HMGA1: variants seen among roughly 807,000 people sequenced by gnomAD.
The protein encoded by HMGA1 is high mobility group AT-hook 1, also known as high mobility group protein HMG-I/HMG-Y.
HMGA1 carries 1 observed loss-of-function variant against 15.1 expected under a neutral mutation model. The observed-to-expected ratio is 0.07, with a 90% CI of 0.02 to 0.31. The LOEUF is 0.31. Ranked by LOEUF, HMGA1 falls within the 10% of genes least tolerant of loss-of-function variation. The pLI, the probability that HMGA1 is intolerant of heterozygous loss-of-function variation, is 1.00. For missense variants in HMGA1, 94 were observed against 141.4 expected (o/e 0.66, Z 1.70); for synonymous variants, 56 against 54.8 (o/e 1.02, Z -0.10).
At chr6:34,244,320 A>T (rs1762542967) in intron 5 of HMGA1, among the ~76,000 whole-genome samples, 1 of 151,900 alleles carries the variant, frequency 6.6e-6, no homozygotes, top group Admixed American at 6.5e-5. Context: ...GGCGGCACAC[A>T]CTTCCCCTTC....
intron 5 of HMGA1, 98 bp downstream of exon 5, chr6:34,243,616 G>T: frequency 9.9e-7 from 1 of 1,012,790 alleles, no homozygotes; most frequent in Non-Finnish European, 1.5e-6. Flanking sequence ...CTATGGAAAG[G>T]CTCTCCTTGA....
Position 34,243,464 on chromosome 6 carries a change from C to T in HMGA1, c.220-4C>T. 6.2e-7 allele frequency: 1 copy of T among 1,612,516 alleles called. No individual in the cohort carries two copies. Among genetic ancestry groups the T allele is most frequent in the Non-Finnish European group, 8.5e-7 (1 of 1,178,768 alleles). On this transcript the variant is annotated splice_polypyrimidine_tract_variant and splice_region_variant and intron_variant, in intron 4 of 5. Transcript: ENST00000311487. ...CTTAGGAGATATTTTCTCTAACCCT[C>T]TAGAAAACCACCACAACTCCAGGAA...
intron 4 of HMGA1, 137 bp downstream of exon 4, chr6:34,242,932 G>A: frequency 1.4e-6 from 1 of 714,788 alleles, no homozygotes; most frequent in Non-Finnish European, 2.5e-6. Context: ...CTGGTACAGG[G>A]ATGGCAGTGA....
chr6:34,237,527 A>G (rs1761876593), intron 2 of HMGA1, among the ~76,000 whole-genome samples: 1 of 140,318 alleles, frequency 7.1e-6, no homozygotes, highest in South Asian at 2.2e-4. Context: ...GGACGCCCGC[A>G]CCCCTTCCCC....
At chr6:34,241,595 G>A (rs1762314703) in intron 3 of HMGA1, among the ~76,000 whole-genome samples, 1 of 152,210 alleles carries the variant, frequency 6.6e-6, no homozygotes, top group African/African-American at 2.4e-5. Flanking sequence ...CTCATAGAAG[G>A]ATGAGGCTGC....
In HMGA1 at chr6:34,245,796, C is replaced by T; in HGVS notation, c.*912C>T. The T allele has an allele frequency of 4.9e-6, 2 of 411,266 alleles. No individual in the cohort carries two copies. Among genetic ancestry groups the T allele is most frequent in the East Asian group, 4.9e-5 (1 of 20,496 alleles). 25.5% of individuals were successfully genotyped at this position (411,266 alleles called of 1,614,324 possible). On this transcript the variant is annotated 3_prime_UTR_variant, in exon 6 of 6. Transcript: ENST00000311487. ...GCCCGCTCCCAACCCCCCTCCTGCT[C>T]CTCCCTGCCCCCCAAGGTTCTGGTT... is the stretch of plus-strand genomic sequence containing the variant.
chr6:34,244,009 A>G (rs950470204), intron 5 of HMGA1, among the ~76,000 whole-genome samples: 1 of 151,968 alleles, frequency 6.6e-6, no homozygotes, highest in Non-Finnish European at 1.5e-5. Context: ...CTGGGTCCCC[A>G]AACAGCTGGT....
chr6:34,242,694 C>T lies in HMGA1; in HGVS notation c.136-18C>T. On this transcript the variant is annotated intron_variant, in intron 3 of 5. Transcript: ENST00000311487. ...AACAGGTGATGACTGTCCCTGACTA[C>T]CCCCTCTGTCTTTACAGAAGGAGCC... 3 of 1,528,998 alleles carry T rather than the reference C, an allele frequency of 2.0e-6. No homozygotes were observed. The highest frequency in any genetic ancestry group is 2.6e-6 in the Non-Finnish European group (3 of 1,132,206). 94.7% of individuals were successfully genotyped at this position (1,528,998 alleles called of 1,614,324 possible). A position where few individuals can be genotyped will look rare whatever the true frequency, so the allele number is the denominator to read the frequency against.
intron 4 of HMGA1, 29 bp from the exon 5 acceptor site, chr6:34,243,439 C>T (rs778740837): frequency 6.3e-7 from 1 of 1,587,206 alleles, no homozygotes; most frequent in African/African-American, 1.3e-5. Flanking sequence ...GCATTTTGGA[C>T]TTAGGAGATA....
chr6:34,238,247 G>C (rs1052219142), intron 2 of HMGA1, among the ~76,000 whole-genome samples: 1 of 151,992 alleles, frequency 6.6e-6, no homozygotes, highest in African/African-American at 2.4e-5. Context: ...GGAGCGGCCT[G>C]CGCCCCTCCC....
At chr6:34,243,869 T>C (rs866549746) in intron 5 of HMGA1, among the ~76,000 whole-genome samples, 5 of 152,034 alleles carry the variant, frequency 3.3e-5, no homozygotes, top group African/African-American at 1.2e-4. Context: ...AAGGAAGCCA[T>C]AGGGGGAAGG....
chr6:34,244,638 GT>G (rs1468195386), intron 5 of HMGA1, among the ~76,000 whole-genome samples, 192 bp from the exon 6 acceptor site: 1 of 152,120 alleles, frequency 6.6e-6, no homozygotes, highest in South Asian at 2.1e-4. Flanking sequence ...TGTGTGTGGG[GT>G]TTTTTCCTCC....
At chr6:34,243,854 G>A (rs1209350640) in intron 5 of HMGA1, among the ~76,000 whole-genome samples, 1 of 152,128 alleles carries the variant, frequency 6.6e-6, no homozygotes, top group African/African-American at 2.4e-5. Flanking sequence ...AATTAGAGAT[G>A]AGGAAAGGAA....
At position 34,238,500 on chromosome 6, in the gene HMGA1, C is replaced by T. The variant is rs544209219; in HGVS notation, c.-45+1183C>T. 2.3e-4 allele frequency among the ~76,000 whole-genome samples: 35 copies of T among 152,224 alleles called. No homozygotes were observed. In the South Asian group the frequency reaches 5.8e-3, roughly 25 times the overall value. On this transcript the variant is annotated intron_variant, in intron 2 of 5. Coordinates refer to ENST00000311487, the MANE Select transcript of HMGA1 (RefSeq NM_145899.3). ...CTCTGGGCTACTTTTTTACGGGGGA[C>T]GGGGAAGAAAACAAGGGAACCCCCA...
Position 34,242,704 on chromosome 6 carries a change from C to A in HMGA1, c.136-8C>A. ...GACTGTCCCTGACTACCCCCTCTGT[C>A]TTTACAGAAGGAGCCCAGCGAAGTG... On this transcript the variant is annotated splice_region_variant and splice_polypyrimidine_tract_variant and intron_variant, in intron 3 of 5. Transcript: ENST00000311487. 1 of 1,566,634 alleles carries A rather than the reference C, an allele frequency of 6.4e-7. No homozygotes were observed. The highest frequency in any genetic ancestry group is 1.2e-5 in the South Asian group (1 of 85,830).
In HMGA1 at chr6:34,245,046, A is replaced by G; in HGVS notation, c.*162A>G. 1 of 1,534,366 alleles carries G rather than the reference A, an allele frequency of 6.5e-7. No homozygotes were observed. On this transcript the variant is annotated 3_prime_UTR_variant, in exon 6 of 6. Coordinates refer to ENST00000311487, the MANE Select transcript of HMGA1 (RefSeq NM_145899.3). ...ACCTGTGCCCTCACCACCACACTAC[A>G]CAGCACACCAGCCGCTGCAGGGCTC...
chr6:34,238,983 T>C (rs1290607065), intron 2 of HMGA1: 2 of 152,168 alleles, frequency 1.3e-5, no homozygotes, highest in African/African-American at 4.8e-5. Context: ...GTTGATTAAT[T>C]TTGATGTTTA....
rs1561880972 is a variant in HMGA1, at chr6:34,245,897, C to T, written c.*1013C>T. The T allele has an allele frequency of 1.9e-5, 6 of 314,436 alleles. No homozygotes were observed. The highest frequency in any genetic ancestry group is 5.8e-5 in the East Asian group (1 of 17,142). 19.5% of individuals were successfully genotyped at this position (314,436 alleles called of 1,614,324 possible). On this transcript the variant is annotated 3_prime_UTR_variant, in exon 6 of 6. Transcript: ENST00000311487. Reference sequence around the variant, plus strand: ...GTTCAATGTTCCATTCTTCGACATCCGTCATTGCTGCTGCTACCAGCGCCA... The same window carrying T: ...GTTCAATGTTCCATTCTTCGACATCTGTCATTGCTGCTGCTACCAGCGCCA...
intron 4 of HMGA1, 72 bp downstream of exon 4, chr6:34,242,867 G>A (rs927901457): frequency 8.5e-6 from 10 of 1,173,766 alleles, no homozygotes; most frequent in East Asian, 5.1e-5. Flanking sequence ...CCATGGCCAC[G>A]GCTGTGGGGA....
Sources: gnomAD v4.1 joint callset for allele counts (sites outside exome capture counted in the v4.1 genomes callset) on GRCh38, gnomAD v4.1.1 for gene constraint, MANE v1.5 for transcripts, NCBI Gene and HGNC (gene_info 2026-07-23, HGNC 2026-07-21) for gene names.